The following TNFRSF10A variants were observed in gnomAD, a reference collection of about 807,000 sequenced individuals.
TNFRSF10A encodes the protein TNF receptor superfamily member 10a.
TNFRSF10A carries 44 observed loss-of-function variants against 42.8 expected under a neutral mutation model. The observed-to-expected ratio is 1.03, with a 90% confidence interval of 0.81 to 1.32. TNFRSF10A has a LOEUF of 1.32. Ranked by LOEUF, TNFRSF10A falls within the 40% of genes most tolerant of loss-of-function variation. The pLI, the probability that TNFRSF10A is intolerant of heterozygous loss-of-function variation, is 0.00. For synonymous variants in TNFRSF10A, 259 were observed against 234.2 expected (o/e 1.11, Z -0.97); for missense variants, 680 against 602.0 (o/e 1.13, Z -1.36).
intron 2 of TNFRSF10A, among the ~76,000 whole-genome samples, chr8:23,209,268 G>A (rs558115821): frequency 7.9e-5 from 12 of 152,344 alleles, no homozygotes; most frequent in Non-Finnish European, 1.5e-5. Context: ...GTAGGGGCAG[G>A]GCCCTCATGG....
chr8:23,193,747 T>A (rs2128846258), intron 9 of TNFRSF10A, among the ~76,000 whole-genome samples: 1 of 152,356 alleles, frequency 6.6e-6, no homozygotes, highest in South Asian at 2.1e-4. Context: ...TGGAGCTTGT[T>A]TGTTGCTGCA....
chr8:23,200,411 A>G (rs1480328492), intron 6 of TNFRSF10A, 94 bp downstream of exon 6: 26 of 1,394,984 alleles, frequency 1.9e-5, no homozygotes, highest in Non-Finnish European at 1.0e-6. Context: ...CAGAGACACT[A>G]GGACTTGGGG....
intron 7 of TNFRSF10A, 52 bp from the exon 8 acceptor site, chr8:23,199,500 G>T (rs1368834352): frequency 3.1e-5 from 50 of 1,588,392 alleles, no homozygotes; most frequent in Non-Finnish European, 3.9e-5. Flanking sequence ...GCTCCCCACG[G>T]GGTCCGTAGG....
Position 23,199,601 on chromosome 8 carries a change from A to T in TNFRSF10A, c.832-153T>A, listed in dbSNP as rs570572271. ...ACATCCAGGACCTGCTGCTGGGGCC[A>T]GGCCCTGGTGCTGGGCTTGGGGGCT... On this transcript the variant is annotated intron_variant, in intron 7 of 9. Transcript: ENST00000221132. Among the ~76,000 whole-genome samples, 294 of 152,258 alleles carry T rather than the reference A, an allele frequency of 1.9e-3. 4 individuals are homozygous for T. Among genetic ancestry groups the T allele is most frequent in the Non-Finnish European group, 3.5e-4 (24 of 68,000 alleles).
At chr8:23,201,596 T>A (rs1478844413) in intron 4 of TNFRSF10A, among the ~76,000 whole-genome samples, 1 of 151,428 alleles carries the variant, frequency 6.6e-6, no homozygotes, top group African/African-American at 2.4e-5. Context: ...AAGGGGCCAC[T>A]GCAGGGGACA....
chr8:23,192,078 T>C, intron 9 of TNFRSF10A, 65 bp from the exon 10 acceptor site: 2 of 1,544,638 alleles, frequency 1.3e-6, no homozygotes, highest in Non-Finnish European at 1.7e-6. Flanking sequence ...GGGCAGAGGA[T>C]CCCACATCAG....
rs765630380 is a variant in TNFRSF10A, at chr8:23,198,555, C to T, written c.1014+711G>A. ...TCTGAGAGACAAGACACTGATCTTACGCAAAAACAGTGAAAACAAAGAAAT... is the reference window on the plus strand; with the variant it reads ...TCTGAGAGACAAGACACTGATCTTATGCAAAAACAGTGAAAACAAAGAAAT... On this transcript the variant is annotated intron_variant, in intron 8 of 9. Coordinates refer to ENST00000221132, the MANE Select transcript of TNFRSF10A (RefSeq NM_003844.4). Among the ~76,000 whole-genome samples, 10 of 151,660 alleles carry T rather than the reference C, an allele frequency of 6.6e-5. No homozygotes were observed. In the South Asian group the frequency reaches 1.5e-3, roughly 22 times the overall value.
chr8:23,214,315 G>A (rs1408597495), intron 1 of TNFRSF10A, among the ~76,000 whole-genome samples: 4 of 152,104 alleles, frequency 2.6e-5, no homozygotes, highest in Admixed American at 6.5e-5. Context: ...GTGAAAACCC[G>A]TCTCTATTAA....
chr8:23,222,516 T>C (rs1443906217), intron 1 of TNFRSF10A, among the ~76,000 whole-genome samples: 1 of 152,242 alleles, frequency 6.6e-6, no homozygotes, highest in South Asian at 2.1e-4. Flanking sequence ...GATACTTGCA[T>C]GTACTGATAG....
At chr8:23,197,284 C>T (rs946829505) in intron 8 of TNFRSF10A, 80 bp from the exon 9 acceptor site, 73 of 1,534,662 alleles carry the variant, frequency 4.8e-5, no homozygotes, top group Admixed American at 2.3e-4. Flanking sequence ...TCAGCCAGCC[C>T]GGAAACCTGC....
At chr8:23,220,838 T>G (rs1338070824) in intron 1 of TNFRSF10A, among the ~76,000 whole-genome samples, 1 of 152,244 alleles carries the variant, frequency 6.6e-6, no homozygotes, top group Non-Finnish European at 1.5e-5. Context: ...GAACTGGGAC[T>G]GTTGCCTCTC....
In TNFRSF10A at chr8:23,220,975, C is replaced by G. The variant is rs1585289355; in HGVS notation, c.306+3781G>C. On this transcript the variant is annotated intron_variant, in intron 1 of 9. Transcript: ENST00000221132. ...ACTGGAAGGAAACGTGGCAGGTAAGCCAGGCTGTGGCCCTGCAGTGACATC... is the reference window on the plus strand; with the variant it reads ...ACTGGAAGGAAACGTGGCAGGTAAGGCAGGCTGTGGCCCTGCAGTGACATC... 2.0e-5 allele frequency among the ~76,000 whole-genome samples: 3 copies of G among 152,340 alleles called. 1 individual carries two copies. The highest frequency in any genetic ancestry group is 2.0e-4 in the Admixed American group (3 of 15,298).
intron 1 of TNFRSF10A, among the ~76,000 whole-genome samples, chr8:23,220,277 C>A (rs1177071637): frequency 6.6e-6 from 1 of 152,234 alleles, no homozygotes; most frequent in Non-Finnish European, 1.5e-5. Context: ...TCCCCACATC[C>A]CTGGGTTAGG....
chr8:23,205,456 C>G (rs1421448701), intron 2 of TNFRSF10A, among the ~76,000 whole-genome samples: 1 of 152,050 alleles, frequency 6.6e-6, no homozygotes, highest in African/African-American at 2.4e-5. Context: ...AAATGACTTA[C>G]TGATTTATGT....
chr8:23,199,849 C>T (rs757676514), intron 7 of TNFRSF10A, 37 bp downstream of exon 7: 32 of 1,614,106 alleles, frequency 2.0e-5, no homozygotes, highest in Non-Finnish European at 2.6e-5. Flanking sequence ...AGTTCCTGAG[C>T]CCCTGATGCC....
At chr8:23,215,032 T>C (rs1801156596) in intron 1 of TNFRSF10A, among the ~76,000 whole-genome samples, 1 of 152,158 alleles carries the variant, frequency 6.6e-6, no homozygotes, top group South Asian at 2.1e-4. Context: ...CTGTCTGATA[T>C]TGAGGATTGT....
At chr8:23,208,177 G>C (rs753059528) in intron 2 of TNFRSF10A, among the ~76,000 whole-genome samples, 1 of 152,160 alleles carries the variant, frequency 6.6e-6, no homozygotes, top group Non-Finnish European at 1.5e-5. Context: ...TTGGGAACTG[G>C]AGCAAAGGTG....
At position 23,199,389 on chromosome 8, in the gene TNFRSF10A, G is replaced by A. The variant is rs149391935; in HGVS notation, c.891C>T (p.Asn297=). The A allele has an allele frequency of 4.1e-4, 665 of 1,614,146 alleles. 3 individuals are homozygous for A. In the African/African-American group the frequency reaches 7.7e-3, roughly 19 times the overall value. ...GCGAGTCTGCGTTGCTCAGAATCTC[G>A]TTGTGAGCATTGTCCTCAGCCCCAG... ...RGPGAEDNAH[N]EILSNADSLS... The change falls in exon 8 of 10, where the codon AAC becomes AAT. Residue 297 remains asparagine (N), a synonymous_variant. Transcript: ENST00000221132.
At chr8:23,220,756 A>G (rs1801246087) in intron 1 of TNFRSF10A, among the ~76,000 whole-genome samples, 1 of 152,192 alleles carries the variant, frequency 6.6e-6, no homozygotes. Context: ...AGGGCATGGC[A>G]CTGTCCCCAT....
Sources: gnomAD v4.1 joint callset for allele counts (sites outside exome capture counted in the v4.1 genomes callset) on GRCh38, gnomAD v4.1.1 for gene constraint, MANE v1.5 for transcripts, NCBI Gene and HGNC (gene_info 2026-07-23, HGNC 2026-07-21) for gene names.